EPHB2: variants seen among roughly 807,000 people sequenced by gnomAD.
The protein encoded by EPHB2 is EPH receptor B2.
EPHB2 carries 18 observed loss-of-function variants against 96.4 expected under a neutral mutation model. The ratio of observed to expected loss-of-function variants is 0.19; its 90% CI spans 0.13 to 0.28. EPHB2 has a LOEUF of 0.28. Ranked by LOEUF, EPHB2 falls within the 10% of genes least tolerant of loss-of-function variation. The pLI is 1.00. For missense variants in EPHB2, 989 were observed against 1,355.4 expected, an observed-to-expected ratio of 0.73 and a Z score of 4.25; for synonymous variants, 506 against 534.1, an observed-to-expected ratio of 0.95 and a Z score of 0.72.
At position 22,740,088 on chromosome 1, in the gene EPHB2, G is replaced by C. The variant is rs542664526; in HGVS notation, c.61+29045G>C. Among the ~76,000 whole-genome samples, 161 of 152,322 alleles carry C rather than the reference G, an allele frequency of 1.1e-3. 1 individual carries two copies. The highest frequency in any genetic ancestry group is 1.5e-3 in the Non-Finnish European group (101 of 68,020). On this transcript the variant is annotated intron_variant, in intron 1 of 15. Transcript: ENST00000374630. ...TTGAAGCTTCGGGTCCAAACGATTT[G>C]CCTGAGCCCTTCGTTGCTTCCTTGT...
chr1:22,912,513 G>C lies in EPHB2; in HGVS notation c.2766G>C (p.Leu922=), dbSNP rs765569724. The change falls in exon 15 of 16, where the codon CTG becomes CTC. Residue 922 remains leucine (L), a synonymous_variant. Coordinates refer to ENST00000374630, the MANE Select transcript of EPHB2 (RefSeq NM_017449.5). ...GCTTTAACACGGTGGACGAGTGGCT[G>C]GAGGCCATCAAGATGGGGCAGTACA... ...YTSFNTVDEW[L]EAIKMGQYKE... 3.1e-6 allele frequency: 5 copies of C among 1,614,142 alleles called. No homozygotes were observed. The highest frequency in any genetic ancestry group is 4.2e-6 in the Non-Finnish European group (5 of 1,180,038).
At chr1:22,799,757 T>C (rs891039638) in intron 3 of EPHB2, among the ~76,000 whole-genome samples, 2 of 152,132 alleles carry the variant, frequency 1.3e-5, no homozygotes, top group Non-Finnish European at 2.9e-5. Context: ...GGGTGAGGCT[T>C]AGGGGCCATG....
At chr1:22,818,020 A>G (rs1645098187) in intron 3 of EPHB2, among the ~76,000 whole-genome samples, 1 of 152,098 alleles carries the variant, frequency 6.6e-6, no homozygotes, top group Admixed American at 6.5e-5. Flanking sequence ...GTGATAGGAA[A>G]TGTCTGGGCT....
intron 1 of EPHB2, among the ~76,000 whole-genome samples, chr1:22,732,700 G>A (rs1643745033): frequency 6.6e-6 from 1 of 152,132 alleles, no homozygotes; most frequent in Non-Finnish European, 1.5e-5. Flanking sequence ...GGCCCTCTAA[G>A]GTCCATTAAC....
chr1:22,795,673 T>C (rs1242827381), intron 3 of EPHB2, among the ~76,000 whole-genome samples: 1 of 152,144 alleles, frequency 6.6e-6, no homozygotes, highest in Admixed American at 6.6e-5. Context: ...GAGAGAAGCA[T>C]GGCAAAGGTT....
chr1:22,821,606 G>T (rs1289362777), intron 3 of EPHB2, among the ~76,000 whole-genome samples: 1 of 152,226 alleles, frequency 6.6e-6, no homozygotes, highest in African/African-American at 2.4e-5. Context: ...AATGCCCTCT[G>T]TCCCTCCTAC....
chr1:22,856,899 C>T (rs1393611087), intron 3 of EPHB2, among the ~76,000 whole-genome samples: 1 of 152,224 alleles, frequency 6.6e-6, no homozygotes, highest in African/African-American at 2.4e-5. Context: ...GTATATCAAT[C>T]CATTCAAATC....
At chr1:22,811,569 C>T (rs1047563560) in intron 3 of EPHB2, among the ~76,000 whole-genome samples, 4 of 152,212 alleles carry the variant, frequency 2.6e-5, no homozygotes, top group African/African-American at 7.2e-5. Flanking sequence ...AGTCTCTCTG[C>T]CTTCCCATCC....
At chr1:22,771,775 A>T (rs1644382570) in intron 1 of EPHB2, among the ~76,000 whole-genome samples, 1 of 152,188 alleles carries the variant, frequency 6.6e-6, no homozygotes, top group Admixed American at 6.5e-5. Flanking sequence ...TAGATGTGAA[A>T]ACTGTGGGTT....
intron 4 of EPHB2, 175 bp downstream of exon 4, chr1:22,863,367 G>A (rs1249400858): frequency 2.1e-6 from 2 of 966,128 alleles, no homozygotes; most frequent in Non-Finnish European, 3.1e-6. Context: ...CTCCCACCTT[G>A]CAGACACCAC....
chr1:22,833,105 G>T lies in EPHB2; in HGVS notation c.812-29932G>T, dbSNP rs555862695. ...GGGTGACTTGGTTTTTCATTTAAGG[G>T]ATTTTTTTTTCTTTTTCTTTTTCTT... On this transcript the variant is annotated intron_variant, in intron 3 of 15. Coordinates refer to ENST00000374630, the MANE Select transcript of EPHB2 (RefSeq NM_017449.5). Among the ~76,000 whole-genome samples the T allele has an allele frequency of 9.7e-4, 147 of 151,906 alleles. 1 individual carries two copies. Among genetic ancestry groups the T allele is most frequent in the Middle Eastern group, 3.4e-3 (1 of 292 alleles).
At chr1:22,890,029 AG>A (rs1398075395) in intron 6 of EPHB2, among the ~76,000 whole-genome samples, 1 of 152,174 alleles carries the variant, frequency 6.6e-6, no homozygotes, top group Non-Finnish European at 1.5e-5. Context: ...AGGAAACATT[AG>A]GGATGTTGCA....
chr1:22,737,974 G>A (rs965876492), intron 1 of EPHB2, among the ~76,000 whole-genome samples: 2 of 152,182 alleles, frequency 1.3e-5, no homozygotes, highest in Admixed American at 1.3e-4. Flanking sequence ...TGGGTCTCAG[G>A]CCAGAACAAG....
At chr1:22,766,898 A>T (rs1161901719) in intron 1 of EPHB2, among the ~76,000 whole-genome samples, 3 of 152,224 alleles carry the variant, frequency 2.0e-5, no homozygotes, top group Non-Finnish European at 2.9e-5. Flanking sequence ...TGGGGAGCTG[A>T]TGAACTGACT....
intron 1 of EPHB2, among the ~76,000 whole-genome samples, chr1:22,741,981 T>C (rs1643910050): frequency 6.6e-6 from 1 of 152,032 alleles, no homozygotes; most frequent in Admixed American, 6.6e-5. Context: ...CCCACACCTC[T>C]TCTGCACCAT....
chr1:22,758,309 T>C (rs1304820327), intron 1 of EPHB2, among the ~76,000 whole-genome samples: 5 of 151,918 alleles, frequency 3.3e-5, no homozygotes, highest in Non-Finnish European at 5.9e-5. Flanking sequence ...GACCCCAGCC[T>C]GAAAAGGCAT....
intron 1 of EPHB2, among the ~76,000 whole-genome samples, chr1:22,752,827 C>T (rs986282445): frequency 2.6e-5 from 4 of 152,112 alleles, no homozygotes; most frequent in South Asian, 2.1e-4. Flanking sequence ...TCTGTCGCCC[C>T]GGCTGGAGTG....
chr1:22,741,814 A>G (rs1300269314), intron 1 of EPHB2, among the ~76,000 whole-genome samples: 3 of 151,984 alleles, frequency 2.0e-5, no homozygotes, highest in South Asian at 2.1e-4. Context: ...GTTGTCTTAC[A>G]TGCCTGTCTC....
chr1:22,773,833 G>A (rs1376243647), intron 1 of EPHB2, among the ~76,000 whole-genome samples: 1 of 152,210 alleles, frequency 6.6e-6, no homozygotes, highest in Non-Finnish European at 1.5e-5. Context: ...GCATGGCGCA[G>A]TGGCTAAGGA....
Sources: allele counts gnomAD v4.1 joint callset (sites outside exome capture counted in the v4.1 genomes callset), GRCh38; gene constraint gnomAD v4.1.1; transcripts MANE v1.5; gene names NCBI Gene and HGNC (gene_info 2026-07-23, HGNC 2026-07-21).